CNTNAP2: variants seen among roughly 807,000 people sequenced by gnomAD.
CNTNAP2 encodes contactin associated protein 2.
In CNTNAP2, 98 loss-of-function variants were observed where a neutral mutation model predicts 155.2. That is an observed-to-expected ratio of 0.63 (90% CI 0.54 to 0.75). The LOEUF is 0.75. CNTNAP2 is among the 30% of genes least tolerant of loss of function. CNTNAP2 has a pLI of 0.00. For missense variants in CNTNAP2, 1,727 were observed against 1,688.1 expected, an observed-to-expected ratio of 1.02 and a Z score of -0.40; for synonymous variants, 651 against 631.2, an observed-to-expected ratio of 1.03 and a Z score of -0.47.
intron 1 of CNTNAP2, among the ~76,000 whole-genome samples, chr7:146,337,055 T>C (rs1404822705): frequency 6.6e-6 from 1 of 152,240 alleles, no homozygotes; most frequent in Non-Finnish European, 1.5e-5. Flanking sequence ...TGTATCAATG[T>C]CAATTTCCTG....
intron 14 of CNTNAP2, among the ~76,000 whole-genome samples, chr7:147,923,108 A>G (rs995708363): frequency 1.3e-5 from 2 of 148,410 alleles, no homozygotes; most frequent in African/African-American, 4.9e-5. Context: ...AAGGGAGGGG[A>G]GGGAAGGGGA....
intron 15 of CNTNAP2, among the ~76,000 whole-genome samples, chr7:148,021,959 G>A (rs1464435161): frequency 6.6e-6 from 1 of 152,080 alleles, no homozygotes; most frequent in East Asian, 1.9e-4. Context: ...CTCCTCTGTG[G>A]GTGGAAAGGA....
chr7:147,487,557 C>T (rs370084954), intron 11 of CNTNAP2, among the ~76,000 whole-genome samples: 16 of 152,208 alleles, frequency 1.1e-4, no homozygotes, highest in African/African-American at 2.9e-4. Flanking sequence ...TCCTGAAATA[C>T]GATAATGCTA....
chr7:146,380,658 G>C (rs902837735), intron 1 of CNTNAP2, among the ~76,000 whole-genome samples: 2 of 151,116 alleles, frequency 1.3e-5, no homozygotes, highest in Non-Finnish European at 2.9e-5. Flanking sequence ...CTCTACCTAT[G>C]TATACCATGT....
chr7:146,796,497 C>A (rs539763866), intron 2 of CNTNAP2, among the ~76,000 whole-genome samples: 1 of 152,068 alleles, frequency 6.6e-6, no homozygotes, highest in African/African-American at 2.4e-5. Context: ...TACTTTGGAC[C>A]AGCTGGTGTC....
chr7:146,131,231 C>G lies in CNTNAP2; in HGVS notation c.97+14258C>G, dbSNP rs541668553. Among the ~76,000 whole-genome samples, 3 of 152,178 alleles carry G rather than the reference C, an allele frequency of 2.0e-5. No homozygotes were observed. In the South Asian group the frequency reaches 6.2e-4, roughly 32 times the overall value. ...TTGGCATTACTATGTTCTACTGTTT[C>G]AAAAGTTTGCTTACTTTAATAAGAT... On this transcript the variant is annotated intron_variant, in intron 1 of 23. Coordinates refer to ENST00000361727, the MANE Select transcript of CNTNAP2 (RefSeq NM_014141.6).
intron 8 of CNTNAP2, among the ~76,000 whole-genome samples, chr7:147,179,107 T>A (rs1802406843): frequency 6.6e-6 from 1 of 152,184 alleles, no homozygotes; most frequent in South Asian, 2.1e-4. Flanking sequence ...GCATACTCTG[T>A]TAAGTGCCGT....
intron 10 of CNTNAP2, among the ~76,000 whole-genome samples, chr7:147,444,593 T>A (rs979925454): frequency 6.6e-6 from 1 of 151,416 alleles, no homozygotes; most frequent in Admixed American, 6.6e-5. Flanking sequence ...ACCACTAAAT[T>A]TTATTTTTTT....
At position 147,784,841 on chromosome 7, in the gene CNTNAP2, T is replaced by C. The variant is rs1188266895; in HGVS notation, c.2099-118724T>C. The stretch of plus-strand genomic sequence containing the variant: ...TGTGCTGCAGTGGTGGTGGTGGTTG[T>C]TGATAAAAACCATCACCTTCAGTAG... On this transcript the variant is annotated intron_variant, in intron 13 of 23. Coordinates refer to ENST00000361727, the MANE Select transcript of CNTNAP2 (RefSeq NM_014141.6). Among the ~76,000 whole-genome samples, 7 of 151,758 alleles carry C rather than the reference T, an allele frequency of 4.6e-5. No homozygotes were observed. The South Asian group carries it at 6.3e-4, about 14-fold the overall frequency.
chr7:146,626,467 G>A (rs347219), intron 1 of CNTNAP2, among the ~76,000 whole-genome samples: 151,456 of 152,200 alleles, frequency 1, 75,358 homozygotes, highest in Middle Eastern at 1. Flanking sequence ...AAACACCACC[G>A]TATACTATGA....
In CNTNAP2 at chr7:146,716,538, G is replaced by A. The variant is rs188168785; in HGVS notation, c.98-57733G>A. On this transcript the variant is annotated intron_variant, in intron 1 of 23. Coordinates refer to ENST00000361727, the MANE Select transcript of CNTNAP2 (RefSeq NM_014141.6). Reference sequence around the variant, plus strand: ...CTGATGCCACACAGCAGGCTTGAGAGAAGCATTGGTGTTGTATTTGCCCTT... The same window carrying A: ...CTGATGCCACACAGCAGGCTTGAGAAAAGCATTGGTGTTGTATTTGCCCTT... Among the ~76,000 whole-genome samples the A allele has an allele frequency of 1.1e-3, 175 of 152,340 alleles. 3 individuals carry two copies. In the East Asian group the frequency reaches 0.021, roughly 18 times the overall value.
At position 147,925,770 on chromosome 7, in the gene CNTNAP2, A is replaced by C. The variant is rs565576030; in HGVS notation, c.2255+22049A>C. ...GCCACCACGCCCGGCCATTCTGTGGATTTTAACAAATGTATAATGAAATGC... is the reference window on the plus strand; with the variant it reads ...GCCACCACGCCCGGCCATTCTGTGGCTTTTAACAAATGTATAATGAAATGC... On this transcript the variant is annotated intron_variant, in intron 14 of 23. Coordinates refer to ENST00000361727, the MANE Select transcript of CNTNAP2 (RefSeq NM_014141.6). Among the ~76,000 whole-genome samples the C allele has an allele frequency of 7.2e-5, 11 of 152,266 alleles. No individual in the cohort carries two copies. In the South Asian group the frequency reaches 1.5e-3, roughly 20 times the overall value.
At chr7:147,399,290 G>A (rs1303140750) in intron 10 of CNTNAP2, among the ~76,000 whole-genome samples, 12 of 152,142 alleles carry the variant, frequency 7.9e-5, no homozygotes, top group African/African-American at 2.2e-4. Flanking sequence ...ATGTACTCAC[G>A]TCTTAAAAGG....
intron 13 of CNTNAP2, among the ~76,000 whole-genome samples, chr7:147,885,220 A>G (rs932755219): frequency 6.6e-6 from 1 of 152,208 alleles, no homozygotes; most frequent in Non-Finnish European, 1.5e-5. Context: ...AGAAAAGAAG[A>G]GGCCAGGTCA....
chr7:147,309,560 C>CT (rs1255737459), intron 9 of CNTNAP2, among the ~76,000 whole-genome samples: 1 of 151,710 alleles, frequency 6.6e-6, no homozygotes, highest in Non-Finnish European at 1.5e-5. Flanking sequence ...ATTTTTTCCA[C>CT]TTTTTTCGTA....
chr7:146,163,364 A>C (rs2116803598), intron 1 of CNTNAP2, among the ~76,000 whole-genome samples: 1 of 151,316 alleles, frequency 6.6e-6, no homozygotes, highest in Non-Finnish European at 1.5e-5. Context: ...ACCTGAGGTC[A>C]GGAGTTCAAG....
intron 9 of CNTNAP2, among the ~76,000 whole-genome samples, chr7:147,310,100 C>A (rs1391314593): frequency 2.6e-5 from 4 of 152,000 alleles, no homozygotes; most frequent in Admixed American, 1.3e-4. Flanking sequence ...ATTATGTAGC[C>A]CAAGATTCCC....
intron 13 of CNTNAP2, among the ~76,000 whole-genome samples, chr7:147,675,637 C>A (rs1795855386): frequency 6.6e-6 from 1 of 152,088 alleles, no homozygotes; most frequent in African/African-American, 2.4e-5. Context: ...AAATGCCAAT[C>A]TCTTCTAGAA....
At chr7:147,488,212 C>T (rs1798543658) in intron 11 of CNTNAP2, among the ~76,000 whole-genome samples, 2 of 152,196 alleles carry the variant, frequency 1.3e-5, no homozygotes, top group African/African-American at 4.8e-5. Flanking sequence ...CAGTTTGACA[C>T]AGAATGAACA....
Sources: allele counts gnomAD v4.1 joint callset (sites outside exome capture counted in the v4.1 genomes callset), GRCh38; gene constraint gnomAD v4.1.1; transcripts MANE v1.5; gene names NCBI Gene and HGNC (gene_info 2026-07-23, HGNC 2026-07-21).